Variants in AGPAT3 observed in about 807,000 individuals in gnomAD.
The protein encoded by AGPAT3 is 1-acylglycerol-3-phosphate O-acyltransferase 3.
AGPAT3 carries 5 observed loss-of-function variants against 47.3 expected under a neutral mutation model. The ratio of observed to expected loss-of-function variants is 0.11; its 90% CI spans 0.06 to 0.22. The LOEUF (loss-of-function observed/expected upper bound fraction) is 0.22. Ranked by LOEUF, AGPAT3 falls within the 10% of genes least tolerant of loss-of-function variation. The pLI is 1.00. For synonymous variants in AGPAT3, 212 were observed against 208.3 expected (o/e 1.02, Z -0.15); for missense variants, 315 against 493.0 (o/e 0.64, Z 3.42).
intron 1 of AGPAT3, among the ~76,000 whole-genome samples, chr21:43,897,532 C>T (rs2086249749): frequency 6.6e-6 from 1 of 151,544 alleles, no homozygotes; most frequent in Non-Finnish European, 1.5e-5. Context: ...GGCAGAGGCG[C>T]TCCTCACATC....
At chr21:43,917,203 G>A (rs1306838605) in intron 2 of AGPAT3, among the ~76,000 whole-genome samples, 1 of 134,888 alleles carries the variant, frequency 7.4e-6, no homozygotes, top group Admixed American at 8.3e-5. Context: ...ACCGCTGTCA[G>A]CCTTCTTGCT....
chr21:43,890,832 G>C (rs1342532414), intron 1 of AGPAT3, among the ~76,000 whole-genome samples: 1 of 151,876 alleles, frequency 6.6e-6, no homozygotes, highest in African/African-American at 2.4e-5. Context: ...CTACCTCCCA[G>C]GTTAAAGTGA....
intron 3 of AGPAT3, 39 bp downstream of exon 3, chr21:43,959,898 C>G: frequency 6.4e-7 from 1 of 1,565,524 alleles, no homozygotes. Context: ...GCCTGGGGCT[C>G]CCGTGGGGGT....
chr21:43,921,029 C>T (rs1005194318), intron 2 of AGPAT3, among the ~76,000 whole-genome samples: 28 of 152,118 alleles, frequency 1.8e-4, no homozygotes, highest in Admixed American at 4.6e-4. Flanking sequence ...AGGAGAATGG[C>T]GTGAACCCTG....
At position 43,970,704 on chromosome 21, in the gene AGPAT3, A is replaced by G; in HGVS notation, c.562A>G (p.Ser188Gly). ...CTTCACGGAGACCAAGCACCGCGTT[A>G]GCATGGAGGTGGCGGCTGCTAAGGG... ...TRFTETKHRVSMEVAAAKGLP... is the reference protein window; with the variant it reads ...TRFTETKHRVGMEVAAAKGLP... Residue 188 changes from serine to glycine, a missense_variant, in exon 6 of 10, where the codon AGC becomes GGC. Ser to Gly is a moderately conservative substitution (Grantham distance 56). Transcript: ENST00000291572. The surrounding 1 kb of genome is among the most constrained non-coding windows in gnomAD (Gnocchi z 5.8). 1 of 1,613,856 alleles carries G rather than the reference A, an allele frequency of 6.2e-7. No individual in the cohort carries two copies.
chr21:43,884,267 T>TCCCCCTCCTC (rs2085919417), intron 1 of AGPAT3, among the ~76,000 whole-genome samples: 1 of 100,318 alleles, frequency 1.0e-5, no homozygotes, highest in Non-Finnish European at 2.0e-5. Context: ...TCCCCCTCCT[T>TCCCCCTCCTC]CCCCCTCCTC....
At chr21:43,971,545 G>A (rs531396991) in intron 7 of AGPAT3, 55 bp downstream of exon 7, 165 of 1,558,512 alleles carry the variant, frequency 1.1e-4, no homozygotes, top group Non-Finnish European at 1.3e-4. Flanking sequence ...ATGAGCTTGC[G>A]CTGGGCAGAG....
chr21:43,970,656 C>G lies in AGPAT3; in HGVS notation c.514C>G (p.Leu172Val), dbSNP rs751794769. 6.2e-7 allele frequency: 1 copy of G among 1,613,744 alleles called. No individual in the cohort carries two copies. Residue 172 changes from leucine (L) to valine (V), a missense_variant, in exon 6 of 10, where the codon CTC becomes GTC. Leu to Val is a conservative substitution (Grantham distance 32). Transcript: ENST00000291572. The surrounding 1 kb of genome is among the most constrained non-coding windows in gnomAD (Gnocchi z 5.8). ...CCTGTCTCCGTGTTGATCCTAGTTT[C>G]TCCTGTACTGCGAGGGGACGCGCTT... The part of the protein sequence containing the change: ...LSDYPEYMWF[L>V]LYCEGTRFTE...
intron 3 of AGPAT3, among the ~76,000 whole-genome samples, chr21:43,960,315 C>T (rs1205170067): frequency 1.3e-5 from 2 of 152,138 alleles, no homozygotes; most frequent in Non-Finnish European, 2.9e-5. Context: ...TGTGTCTGTC[C>T]GTATGTGCCT....
rs565054448 is a variant in AGPAT3, at chr21:43,975,921, C to T, written c.768-2125C>T. 1.1e-4 allele frequency among the ~76,000 whole-genome samples: 16 copies of T among 151,840 alleles called. No individual in the cohort carries two copies. The East Asian group carries it at 2.5e-3, about 24-fold the overall frequency. On this transcript the variant is annotated intron_variant, in intron 7 of 9. Transcript: ENST00000291572. ...CAGGGAAGAGGCAGCATTGAGCACC[C>T]GCTGTTAAGATGCTCCCTTACGGAA...
Position 43,986,257 on chromosome 21 carries a change from A to G in AGPAT3, c.*3865A>G, listed in dbSNP as rs1242587337. ...TCAGGGATAATGGTGGCATTCTTAC[A>G]AACTGCTCGGGAAATAGAATGACGG... On this transcript the variant is annotated 3_prime_UTR_variant, in exon 10 of 10. Transcript: ENST00000291572. 1 of 152,216 alleles carries G rather than the reference A, an allele frequency of 6.6e-6. No homozygotes were observed. Among genetic ancestry groups the G allele is most frequent in the East Asian group, 1.9e-4 (1 of 5,194 alleles). The allele number at this position is 152,216 out of a possible 1,614,324, so 9.4% of individuals were successfully genotyped here. A position where few individuals can be genotyped will look rare whatever the true frequency, so the allele number is the denominator to read the frequency against.
At chr21:43,876,067 C>T (rs1322176085) in intron 1 of AGPAT3, among the ~76,000 whole-genome samples, 1 of 152,110 alleles carries the variant, frequency 6.6e-6, no homozygotes, top group African/African-American at 2.4e-5. Flanking sequence ...GGATTACAGG[C>T]ACCATGCCCA....
At chr21:43,904,876 T>C (rs1056430732) in intron 2 of AGPAT3, among the ~76,000 whole-genome samples, 1 of 152,202 alleles carries the variant, frequency 6.6e-6, no homozygotes, top group African/African-American at 2.4e-5. Flanking sequence ...CCATCCCTGA[T>C]GTTCCAAGGC....
intron 2 of AGPAT3, among the ~76,000 whole-genome samples, chr21:43,946,061 A>C (rs1032834479): frequency 6.6e-6 from 1 of 151,870 alleles, no homozygotes; most frequent in Non-Finnish European, 1.5e-5. Context: ...CCTCTTACCA[A>C]CGATGCCCCG....
Position 43,874,263 on chromosome 21 carries a change from C to T in AGPAT3, c.-112+8918C>T, listed in dbSNP as rs186734106. Among the ~76,000 whole-genome samples, 791 of 152,190 alleles carry T rather than the reference C, an allele frequency of 5.2e-3. 4 individuals carry two copies. Among genetic ancestry groups the T allele is most frequent in the African/African-American group, 0.018 (740 of 41,522 alleles). On this transcript the variant is annotated intron_variant, in intron 1 of 9. Coordinates refer to ENST00000291572, the MANE Select transcript of AGPAT3 (RefSeq NM_020132.5). ...CTGGTCTTGAACTCCTGACCTCAGGCAATCCGCCCACCTCGGCTTCCCCGA... is the reference window on the plus strand; with the variant it reads ...CTGGTCTTGAACTCCTGACCTCAGGTAATCCGCCCACCTCGGCTTCCCCGA...
intron 1 of AGPAT3, among the ~76,000 whole-genome samples, chr21:43,898,893 T>C (rs2086288475): frequency 1.3e-5 from 2 of 152,062 alleles, no homozygotes; most frequent in Admixed American, 6.5e-5. Flanking sequence ...CTGTTTTTTT[T>C]TTTGTAGGTA....
chr21:43,896,943 G>GTTTTTTTTTTTTT (rs61657564), intron 1 of AGPAT3, among the ~76,000 whole-genome samples: 29 of 42,340 alleles, frequency 6.8e-4, no homozygotes, highest in African/African-American at 1.1e-3. Context: ...TTGACAGTCC[G>GTTTTTTTTTTTTT]TTTTTTTTTT....
chr21:43,921,866 C>G (rs1336826697), intron 2 of AGPAT3, among the ~76,000 whole-genome samples: 1 of 152,130 alleles, frequency 6.6e-6, no homozygotes, highest in South Asian at 2.1e-4. Context: ...AGCCTCCCAC[C>G]CCAAGCTGGG....
In AGPAT3 at chr21:43,972,690, T is replaced by C. The variant is rs531277275; in HGVS notation, c.767+1200T>C. Among the ~76,000 whole-genome samples, 10 of 152,296 alleles carry C rather than the reference T, an allele frequency of 6.6e-5. No homozygotes were observed. In the East Asian group the frequency reaches 9.6e-4, roughly 15 times the overall value. ...ACTCTCCAAGCTTCTCTGGCTCACA[T>C]AGAGGAGAAAATCCACCCAGAAATC... On this transcript the variant is annotated intron_variant, in intron 7 of 9. Coordinates refer to ENST00000291572, the MANE Select transcript of AGPAT3 (RefSeq NM_020132.5).
Sources: gnomAD v4.1 joint callset for allele counts (sites outside exome capture counted in the v4.1 genomes callset) on GRCh38, gnomAD v4.1.1 for gene constraint, Gnocchi (gnomAD v3.1) non-coding constraint, MANE v1.5 for transcripts, NCBI Gene and HGNC (gene_info 2026-07-23, HGNC 2026-07-21) for gene names.